FIRRM: variants seen among roughly 807,000 people sequenced by gnomAD.
FIRRM encodes FIGNL1 interacting regulator of recombination and mitosis.
chr1:169,817,121 TA>T, the FIRRM span, among the ~76,000 whole-genome samples: 234 of 144,476 alleles, frequency 1.6e-3, no homozygotes, highest in Admixed American at 1.9e-3. Context: ...AAACAAAAAG[TA>T]AAAAAAAAAA....
the FIRRM span, chr1:169,827,262 C>A: frequency 7.7e-7 from 1 of 1,301,742 alleles, no homozygotes; most frequent in Non-Finnish European, 1.1e-6. Flanking sequence ...ACACTGATTT[C>A]CCCTAGCCAT....
the FIRRM span, among the ~76,000 whole-genome samples, chr1:169,797,758 G>A: frequency 6.6e-6 from 1 of 151,966 alleles, no homozygotes; most frequent in African/African-American, 2.4e-5. Flanking sequence ...TGGCCAGGCT[G>A]GTCTCGAACT....
the FIRRM span, chr1:169,795,051 C>G: frequency 7.0e-7 from 1 of 1,429,466 alleles, no homozygotes. Flanking sequence ...CTGCGAGTTT[C>G]CGGTCTGGGC....
At chr1:169,841,049 C>CA in the FIRRM span, among the ~76,000 whole-genome samples, 1 of 152,124 alleles carries the variant, frequency 6.6e-6, no homozygotes, top group Non-Finnish European at 1.5e-5. Context: ...GGAATGCCTC[C>CA]AGTTTTTGCC....
the FIRRM span, chr1:169,836,859 T>TA: frequency 2.6e-6 from 3 of 1,160,102 alleles, no homozygotes; most frequent in Non-Finnish European, 3.6e-6. Flanking sequence ...AACTAATACT[T>TA]AGCTTTTGTG....
chr1:169,829,757 T>C, the FIRRM span, among the ~76,000 whole-genome samples: 79 of 152,290 alleles, frequency 5.2e-4, 2 homozygotes, highest in East Asian at 1.9e-4. Flanking sequence ...AGGTCTCTTA[T>C]AGATCTCAGA....
the FIRRM span, chr1:169,793,677 A>G: frequency 6.3e-7 from 1 of 1,591,018 alleles, no homozygotes. Context: ...TCTATAGTGA[A>G]ATTAAACTGA....
chr1:169,802,237 G>A, the FIRRM span, among the ~76,000 whole-genome samples: 4 of 152,156 alleles, frequency 2.6e-5, no homozygotes, highest in African/African-American at 9.7e-5. Flanking sequence ...ATTCCTTCCA[G>A]AAAATACCCT....
the FIRRM span, chr1:169,849,812 C>G: frequency 5.4e-6 from 3 of 559,018 alleles, no homozygotes; most frequent in South Asian, 4.2e-5. Context: ...TCTGAATAAA[C>G]AAGGACCAGA....
the FIRRM span, among the ~76,000 whole-genome samples, chr1:169,798,568 C>T: frequency 6.6e-6 from 1 of 151,930 alleles, no homozygotes; most frequent in African/African-American, 2.4e-5. Flanking sequence ...CACTTGGCCC[C>T]GAGCGAGACC....
the FIRRM span, chr1:169,852,755 T>G: frequency 6.3e-7 from 1 of 1,597,416 alleles, no homozygotes; most frequent in Non-Finnish European, 8.6e-7. Context: ...ATATTTAGAA[T>G]GGATATTGTG....
At chr1:169,827,419 C>T in the FIRRM span, among the ~76,000 whole-genome samples, 2 of 152,184 alleles carry the variant, frequency 1.3e-5, no homozygotes, top group Non-Finnish European at 2.9e-5. Context: ...GGGCAGATCA[C>T]CTGAGGTCAG....
chr1:169,807,828 T>G, the FIRRM span: 3 of 1,604,924 alleles, frequency 1.9e-6, no homozygotes, highest in East Asian at 4.5e-5. Context: ...AAAAAGCCAG[T>G]TGAAACACAA....
chr1:169,804,596 T>C, the FIRRM span, among the ~76,000 whole-genome samples: 1 of 152,232 alleles, frequency 6.6e-6, no homozygotes, highest in Non-Finnish European at 1.5e-5. Flanking sequence ...TACGTGCATA[T>C]GTGTATGTAA....
At chr1:169,853,623 G>A in the FIRRM span, 1 of 1,389,934 alleles carries the variant, frequency 7.2e-7, no homozygotes, top group Non-Finnish European at 1.0e-6. Context: ...GCCACTTTGG[G>A]GTTTTCTTGT....
chr1:169,826,362 ATTTTTT>A, the FIRRM span, among the ~76,000 whole-genome samples: 2 of 129,874 alleles, frequency 1.5e-5, no homozygotes, highest in Admixed American at 1.6e-4. Flanking sequence ...CACACCCGGC[ATTTTTT>A]TTTTTTTTTT....
the FIRRM span, among the ~76,000 whole-genome samples, chr1:169,789,794 A>C: frequency 5.9e-5 from 9 of 152,256 alleles, no homozygotes; most frequent in Non-Finnish European, 1.2e-4. Flanking sequence ...GTAAAGGCAC[A>C]AACACCATTT....
the FIRRM span, chr1:169,803,143 A>G: frequency 6.2e-6 from 10 of 1,609,016 alleles, no homozygotes; most frequent in Non-Finnish European, 8.5e-6. Context: ...ATATATTCTA[A>G]GTGAAATTTC....
At chr1:169,829,591 G>A in the FIRRM span, 1 of 736,136 alleles carries the variant, frequency 1.4e-6, no homozygotes, top group Non-Finnish European at 2.0e-6. Context: ...CTAGAAAATG[G>A]TAATCCCAGA....
Sources: allele counts gnomAD v4.1 joint callset (sites outside exome capture counted in the v4.1 genomes callset), GRCh38; gene constraint gnomAD v4.1.1; transcripts MANE v1.5; gene names NCBI Gene and HGNC (gene_info 2026-07-23, HGNC 2026-07-21).